Variants in CCND2 observed in about 807,000 individuals in gnomAD.
CCND2 encodes G1/S-specific cyclin-D2.
CCND2 carries 6 observed loss-of-function variants against 30.2 expected under a neutral mutation model. The observed-to-expected ratio is 0.20, with a 90% confidence interval of 0.11 to 0.39. The LOEUF is 0.39. Among genes scored for constraint, CCND2 ranks in the 10% least tolerant of loss-of-function variants. CCND2 has a pLI of 1.00. For missense variants in CCND2, 235 were observed against 373.4 expected, an observed-to-expected ratio of 0.63 and a Z score of 3.06; for synonymous variants, 150 against 153.1, an observed-to-expected ratio of 0.98 and a Z score of 0.15.
chr12:4,273,860 T>A lies in CCND2; in HGVS notation c.-181T>A. 1 of 640,376 alleles carries A rather than the reference T, an allele frequency of 1.6e-6. No individual in the cohort carries two copies. Among genetic ancestry groups the A allele is most frequent in the Non-Finnish European group, 2.7e-6 (1 of 373,640 alleles). The allele number at this position is 640,376 out of a possible 1,614,324, so 39.7% of individuals were successfully genotyped here. A position where few individuals can be genotyped will look rare whatever the true frequency, so the allele number is the denominator to read the frequency against. Reference sequence around the variant, plus strand: ...GAGGCTCTGCTCGCCCACCACCCAATCCTCGCCTCCCTTCTGCTCCACCTT... The same window carrying A: ...GAGGCTCTGCTCGCCCACCACCCAAACCTCGCCTCCCTTCTGCTCCACCTT... On this transcript the variant is annotated 5_prime_UTR_variant, in exon 1 of 5. Transcript: ENST00000261254. The surrounding 1 kb of genome is among the most constrained non-coding windows in gnomAD (Gnocchi z 5.9).
In CCND2 at chr12:4,273,823, T is replaced by G; in HGVS notation, c.-218T>G. 1.7e-6 allele frequency: 1 copy of G among 592,074 alleles called. No individual in the cohort carries two copies. Among genetic ancestry groups the G allele is most frequent in the Non-Finnish European group, 3.0e-6 (1 of 333,546 alleles). 36.7% of individuals were successfully genotyped at this position (592,074 alleles called of 1,614,324 possible). ...GTTTTAAGGGGAGGACCGGTGCGAGTGAGGCAGCCCCGAGGCTCTGCTCGC... is the reference window on the plus strand; with the variant it reads ...GTTTTAAGGGGAGGACCGGTGCGAGGGAGGCAGCCCCGAGGCTCTGCTCGC... On this transcript the variant is annotated 5_prime_UTR_variant, in exon 1 of 5. Coordinates refer to ENST00000261254, the MANE Select transcript of CCND2 (RefSeq NM_001759.4). This position sits in a 1 kb window ranked among gnomAD's most constrained non-coding sequence, Gnocchi z 5.9.
rs977731786 is a variant in CCND2 at position 4,276,509 on chromosome 12, T to C, written c.411+289T>C. On this transcript the variant is annotated intron_variant, in intron 2 of 4. Transcript: ENST00000261254. This position sits in a 1 kb window ranked among gnomAD's most constrained non-coding sequence, Gnocchi z 4.8. The stretch of plus-strand genomic sequence containing the variant: ...AGACTCATTTGCAATTGTGTATGCA[T>C]GTGTGTAGGGGACGCATGGAATATT... 5.3e-5 allele frequency among the ~76,000 whole-genome samples: 8 copies of C among 152,234 alleles called. No individual in the cohort carries two copies. The highest frequency in any genetic ancestry group is 1.9e-4 in the African/African-American group (8 of 41,456).
Position 4,274,526 on chromosome 12 carries a change from C to T in CCND2, c.195+291C>T, listed in dbSNP as rs536056609. Among the ~76,000 whole-genome samples the T allele has an allele frequency of 3.3e-5, 5 of 152,192 alleles. No individual in the cohort carries two copies. Among genetic ancestry groups the T allele is most frequent in the Non-Finnish European group, 5.9e-5 (4 of 68,028 alleles). On this transcript the variant is annotated intron_variant, in intron 1 of 4. Coordinates refer to ENST00000261254, the MANE Select transcript of CCND2 (RefSeq NM_001759.4). This position sits in a 1 kb window ranked among gnomAD's most constrained non-coding sequence, Gnocchi z 7.7. ...TGCATGTGGCTGCCTCTTCTTCCCA[C>T]CCCCCTCGCGACCTGTCTTTTGCGA... is the stretch of plus-strand genomic sequence containing the variant.
At chr12:4,288,391 G>A (rs1396913896) in intron 3 of CCND2, among the ~76,000 whole-genome samples, 1 of 151,974 alleles carries the variant, frequency 6.6e-6, no homozygotes, top group East Asian at 1.9e-4. Flanking sequence ...GGAGCCCCTG[G>A]TCTGTCCTGC....
intron 3 of CCND2, among the ~76,000 whole-genome samples, chr12:4,280,330 G>A (rs1371461885): frequency 6.6e-6 from 1 of 152,270 alleles, no homozygotes; most frequent in Non-Finnish European, 1.5e-5. Flanking sequence ...AGCAGGACCT[G>A]TGTGTTCTGC....
chr12:4,305,053 C>A lies in CCND2; in HGVS notation c.*5044C>A. 4.5e-6 allele frequency: 1 copy of A among 223,290 alleles called. No homozygotes were observed. The highest frequency in any genetic ancestry group is 6.2e-5 in the East Asian group (1 of 16,076). The allele number at this position is 223,290 out of a possible 1,614,324, so 13.8% of individuals were successfully genotyped here. The stretch of plus-strand genomic sequence containing the variant: ...GATGCCATATCAAGTCCATGTTATT[C>A]TCTCACAGTGTACTCTATAAGAGGT... On this transcript the variant is annotated 3_prime_UTR_variant, in exon 5 of 5. Coordinates refer to ENST00000261254, the MANE Select transcript of CCND2 (RefSeq NM_001759.4). The surrounding 1 kb of genome is among the most constrained non-coding windows in gnomAD (Gnocchi z 6.4).
Position 4,279,227 on chromosome 12 carries a change from G to C in CCND2, c.571+308G>C, listed in dbSNP as rs954770036. 2.0e-4 allele frequency among the ~76,000 whole-genome samples: 31 copies of C among 152,152 alleles called. 1 individual carries two copies. Among genetic ancestry groups the C allele is most frequent in the Non-Finnish European group, 1.9e-4 (13 of 68,030 alleles). ...GTGCTCTTTGAAGATTACATATACT[G>C]CTCACTGGTTGTGTTCAAATCTTTA... On this transcript the variant is annotated intron_variant, in intron 3 of 4. Coordinates refer to ENST00000261254, the MANE Select transcript of CCND2 (RefSeq NM_001759.4).
intron 3 of CCND2, among the ~76,000 whole-genome samples, chr12:4,283,771 C>T (rs189144673): frequency 6.6e-6 from 1 of 152,300 alleles, no homozygotes; most frequent in East Asian, 1.9e-4. Context: ...GGGCATCGTT[C>T]CTTGGCTCGG....
intron 4 of CCND2, among the ~76,000 whole-genome samples, chr12:4,290,180 C>T (rs979975221): frequency 3.9e-5 from 6 of 152,198 alleles, no homozygotes; most frequent in Admixed American, 1.3e-4. Flanking sequence ...GGCTGCAGCT[C>T]GCCGGCCTCC....
chr12:4,294,996 G>T (rs965483362), intron 4 of CCND2, among the ~76,000 whole-genome samples: 5 of 152,162 alleles, frequency 3.3e-5, no homozygotes, highest in African/African-American at 1.2e-4. Context: ...AGACCCGGGC[G>T]ATGTGGAGTT....
Position 4,299,909 on chromosome 12 carries a change from G to A in CCND2, c.770G>A (p.Ser257Asn), listed in dbSNP as rs1565438867. The change falls in exon 5 of 5, where the codon AGC (serine) becomes AAC (asparagine). Residue 257 changes from serine (S) to asparagine (N), a missense_variant. Physicochemically the swap from Ser to Asn is conservative, Grantham distance 46. Transcript: ENST00000261254. The surrounding 1 kb of genome is among the most constrained non-coding windows in gnomAD (Gnocchi z 5.2). ...QEQIEAVLLN[S>N]LQQYRQDQRD... ...CAGATTGAGGCGGTGCTCCTCAATA[G>A]CCTGCAGCAGTACCGTCAGGACCAA... 1.2e-6 allele frequency: 2 copies of A among 1,614,096 alleles called. No homozygotes were observed. Among genetic ancestry groups the A allele is most frequent in the Non-Finnish European group, 1.7e-6 (2 of 1,179,986 alleles).
At chr12:4,292,417 G>A (rs1275053954) in intron 4 of CCND2, among the ~76,000 whole-genome samples, 1 of 152,116 alleles carries the variant, frequency 6.6e-6, no homozygotes, top group Non-Finnish European at 1.5e-5. Flanking sequence ...AGCTTGCAAT[G>A]CTCTCTGTTA....
intron 4 of CCND2, among the ~76,000 whole-genome samples, chr12:4,296,333 C>T (rs750508054): frequency 5.9e-4 from 90 of 152,316 alleles, no homozygotes; most frequent in African/African-American, 1.9e-3. Flanking sequence ...CAGGATCGGC[C>T]GGGAGGCGAG....
chr12:4,298,827 G>A (rs1301040803), intron 4 of CCND2, among the ~76,000 whole-genome samples: 2 of 152,202 alleles, frequency 1.3e-5, no homozygotes, highest in African/African-American at 4.8e-5. Context: ...TCCCTGTCTA[G>A]TGATACCCAT....
At chr12:4,292,891 C>A (rs556326617) in intron 4 of CCND2, among the ~76,000 whole-genome samples, 1 of 152,246 alleles carries the variant, frequency 6.6e-6, no homozygotes, top group East Asian at 1.9e-4. Context: ...ATCCCCTCTG[C>A]ACACTAGTCG....
chr12:4,280,316 T>G (rs943572885), intron 3 of CCND2, among the ~76,000 whole-genome samples: 1 of 152,256 alleles, frequency 6.6e-6, no homozygotes, highest in Non-Finnish European at 1.5e-5. Flanking sequence ...CCTTACGTGT[T>G]TCTAGCAGGA....
In CCND2 at chr12:4,287,997, A is replaced by G. The variant is rs1247711861; in HGVS notation, c.572-845A>G. Among the ~76,000 whole-genome samples, 1 of 152,208 alleles carries G rather than the reference A, an allele frequency of 6.6e-6. No homozygotes were observed. The highest frequency in any genetic ancestry group is 1.5e-5 in the Non-Finnish European group (1 of 68,034). On this transcript the variant is annotated intron_variant, in intron 3 of 4. Transcript: ENST00000261254. The surrounding 1 kb of genome is among the most constrained non-coding windows in gnomAD (Gnocchi z 4.0). ...CAAGTCACATTTTTTTCTCTTAGCAATAAAATGGGGCCTTCAGTCTCATGA... is the reference window on the plus strand; with the variant it reads ...CAAGTCACATTTTTTTCTCTTAGCAGTAAAATGGGGCCTTCAGTCTCATGA...
intron 3 of CCND2, among the ~76,000 whole-genome samples, chr12:4,281,700 G>T (rs1265304161): frequency 6.6e-6 from 1 of 152,174 alleles, no homozygotes; most frequent in Non-Finnish European, 1.5e-5. Context: ...TTGTGAAAGA[G>T]CTGGCAGTGG....
chr12:4,285,500 C>T lies in CCND2; in HGVS notation c.572-3342C>T. 3.7e-6 allele frequency: 3 copies of T among 809,498 alleles called. No homozygotes were observed. Among genetic ancestry groups the T allele is most frequent in the Non-Finnish European group, 4.5e-6 (3 of 669,542 alleles). 50.1% of individuals were successfully genotyped at this position (809,498 alleles called of 1,614,324 possible). A position where few individuals can be genotyped will look rare whatever the true frequency, so the allele number is the denominator to read the frequency against. ...ACAAACTCATCTGTGTTTCTCCCAC[C>T]TAACAGAACAGCTTTTATTTTCCGT... On this transcript the variant is annotated intron_variant, in intron 3 of 4. Coordinates refer to ENST00000261254, the MANE Select transcript of CCND2 (RefSeq NM_001759.4). The surrounding 1 kb of genome is among the most constrained non-coding windows in gnomAD (Gnocchi z 4.1).
Sources: allele counts gnomAD v4.1 joint callset (sites outside exome capture counted in the v4.1 genomes callset), GRCh38; gene constraint gnomAD v4.1.1; non-coding constraint Gnocchi (gnomAD v3.1); transcripts MANE v1.5; gene names NCBI Gene and HGNC (gene_info 2026-07-23, HGNC 2026-07-21).